The following MARCHF1 variants were observed in gnomAD, a reference collection of about 807,000 sequenced individuals.
The protein encoded by MARCHF1 is membrane associated ring-CH-type finger 1.
MARCHF1 carries 40 observed loss-of-function variants against 54.2 expected under a neutral mutation model. That is an observed-to-expected ratio of 0.74 (90% CI 0.57 to 0.96). The LOEUF is 0.96. Ranked by LOEUF, MARCHF1 falls within the 40% of genes least tolerant of loss-of-function variation. MARCHF1 has a pLI of 0.00. For missense variants in MARCHF1, 586 were observed against 656.5 expected (o/e 0.89, Z 1.17); for synonymous variants, 236 against 236.3 (o/e 1.00, Z 0.01).
intron 1 of MARCHF1, among the ~76,000 whole-genome samples, chr4:164,289,642 G>A (rs557063591): frequency 6.7e-6 from 1 of 149,550 alleles, no homozygotes; most frequent in Admixed American, 6.7e-5. Context: ...TTAAGCAACA[G>A]CGGTTATACT....
At chr4:163,722,395 C>T (rs998254171) in intron 4 of MARCHF1, among the ~76,000 whole-genome samples, 4 of 152,088 alleles carry the variant, frequency 2.6e-5, no homozygotes, top group African/African-American at 4.8e-5. Context: ...GTCTGAGAGG[C>T]AGTTTGTTAT....
chr4:164,125,029 A>T (rs1756150473), intron 1 of MARCHF1, among the ~76,000 whole-genome samples: 1 of 152,138 alleles, frequency 6.6e-6, no homozygotes, highest in Non-Finnish European at 1.5e-5. Flanking sequence ...CCTGTATTAC[A>T]TGTGCCCCAT....
intron 2 of MARCHF1, among the ~76,000 whole-genome samples, chr4:164,089,135 A>G (rs949211612): frequency 9.2e-5 from 14 of 152,172 alleles, no homozygotes; most frequent in African/African-American, 3.4e-4. Context: ...TACTTGTAAA[A>G]GGCAAATAGC....
At chr4:163,893,079 TA>T (rs778947865) in intron 3 of MARCHF1, among the ~76,000 whole-genome samples, 3,393 of 150,304 alleles carry the variant, frequency 0.023, 43 homozygotes, top group African/African-American at 0.033. Context: ...TTTTTTTTTT[TA>T]AATCTGGACA....
intron 3 of MARCHF1, among the ~76,000 whole-genome samples, chr4:163,868,577 A>G (rs1397092310): frequency 6.6e-6 from 1 of 152,012 alleles, no homozygotes; most frequent in Non-Finnish European, 1.5e-5. Flanking sequence ...AAATGTATGT[A>G]TTTGTGTACA....
At chr4:163,810,298 A>G (rs982931939) in intron 4 of MARCHF1, among the ~76,000 whole-genome samples, 5 of 152,230 alleles carry the variant, frequency 3.3e-5, no homozygotes, top group Non-Finnish European at 7.3e-5. Flanking sequence ...GTTTTCCACA[A>G]TCTGTAACTC....
At chr4:163,770,521 AACACACACAC>A (rs36201521) in intron 4 of MARCHF1, among the ~76,000 whole-genome samples, 17,666 of 147,148 alleles carry the variant, frequency 0.12, 1,483 homozygotes, top group East Asian at 0.29. Flanking sequence ...TCCCTCACTG[AACACACACAC>A]ACACACACAC....
chr4:163,803,369 C>T (rs796082761), intron 4 of MARCHF1, among the ~76,000 whole-genome samples: 15 of 150,896 alleles, frequency 9.9e-5, no homozygotes, highest in African/African-American at 3.7e-4. Context: ...GACGGGGTTT[C>T]GCCATGTTGG....
chr4:163,669,349 C>A (rs907994217), intron 5 of MARCHF1, among the ~76,000 whole-genome samples: 1 of 152,118 alleles, frequency 6.6e-6, no homozygotes, highest in Non-Finnish European at 1.5e-5. Flanking sequence ...AATTTGGAAT[C>A]TTGTTAATTC....
intron 4 of MARCHF1, among the ~76,000 whole-genome samples, chr4:163,718,786 T>TTTTTTTTTTTTTTTA (rs1745344204): frequency 6.6e-6 from 1 of 152,194 alleles, no homozygotes; most frequent in African/African-American, 2.4e-5. Flanking sequence ...ATAACCAGTA[T>TTTTTTTTTTTTTTTA]TTATCCCAAC....
chr4:163,806,792 A>G (rs531499395), intron 4 of MARCHF1, among the ~76,000 whole-genome samples: 2 of 152,246 alleles, frequency 1.3e-5, no homozygotes, highest in African/African-American at 4.8e-5. Context: ...GGATCAATAA[A>G]CCTGCCCACC....
chr4:164,064,351 A>G (rs947945984), intron 2 of MARCHF1, among the ~76,000 whole-genome samples: 3 of 152,092 alleles, frequency 2.0e-5, no homozygotes, highest in African/African-American at 7.2e-5. Context: ...GCAGTGGTTT[A>G]TAGTCCTCCT....
intron 4 of MARCHF1, among the ~76,000 whole-genome samples, chr4:163,797,701 T>C (rs1747958481): frequency 6.6e-6 from 1 of 152,072 alleles, no homozygotes; most frequent in African/African-American, 2.4e-5. Context: ...TTATTTTTAT[T>C]TATTTCTAGA....
chr4:164,268,811 G>A (rs1733674089), intron 1 of MARCHF1, among the ~76,000 whole-genome samples: 1 of 152,066 alleles, frequency 6.6e-6, no homozygotes, highest in Non-Finnish European at 1.5e-5. Flanking sequence ...TTATGGACTA[G>A]GATGATTACA....
intron 1 of MARCHF1, among the ~76,000 whole-genome samples, chr4:164,264,331 A>G (rs1733548332): frequency 6.6e-6 from 1 of 152,108 alleles, no homozygotes; most frequent in Non-Finnish European, 1.5e-5. Flanking sequence ...TGGGGTCTAC[A>G]TGAGGGTGGA....
chr4:164,088,977 A>G (rs1755246726), intron 2 of MARCHF1, among the ~76,000 whole-genome samples: 1 of 152,206 alleles, frequency 6.6e-6, no homozygotes, highest in Non-Finnish European at 1.5e-5. Context: ...AATGTCAAAG[A>G]CAAAGTTTTA....
At chr4:164,162,376 A>T (rs1024181320) in intron 1 of MARCHF1, among the ~76,000 whole-genome samples, 15 of 152,124 alleles carry the variant, frequency 9.9e-5, no homozygotes, top group African/African-American at 3.6e-4. Flanking sequence ...TCCAGTGAGA[A>T]GGTTTATAGG....
At chr4:164,139,296 T>A (rs1036676485) in intron 1 of MARCHF1, among the ~76,000 whole-genome samples, 14 of 152,130 alleles carry the variant, frequency 9.2e-5, no homozygotes, top group Non-Finnish European at 1.8e-4. Context: ...ACGGCAATAT[T>A]CCATCTTTCA....
At chr4:163,660,888 T>C (rs1447400359) in intron 5 of MARCHF1, among the ~76,000 whole-genome samples, 1 of 152,052 alleles carries the variant, frequency 6.6e-6, no homozygotes, top group East Asian at 1.9e-4. Flanking sequence ...TCATCTATTA[T>C]GTAATTCAAA....
Sources: gnomAD v4.1 joint callset for allele counts (sites outside exome capture counted in the v4.1 genomes callset) on GRCh38, gnomAD v4.1.1 for gene constraint, MANE v1.5 for transcripts, NCBI Gene and HGNC (gene_info 2026-07-23, HGNC 2026-07-21) for gene names.